The following WDR91 variants were observed in gnomAD, a reference collection of about 807,000 sequenced individuals.
WDR91 encodes the protein WD repeat-containing protein 91.
Under a neutral mutation model 88.4 loss-of-function variants are expected in WDR91, and 52 were observed. The observed-to-expected ratio is 0.59, with a 90% CI of 0.47 to 0.74. The LOEUF (loss-of-function observed/expected upper bound fraction) is 0.74. Ranked by LOEUF, WDR91 falls within the 30% of genes least tolerant of loss-of-function variation. The pLI, the probability that WDR91 is intolerant of heterozygous loss-of-function variation, is 0.00. For missense variants in WDR91, 824 were observed against 954.5 expected, an observed-to-expected ratio of 0.86 and a Z score of 1.80; for synonymous variants, 362 against 389.5, an observed-to-expected ratio of 0.93 and a Z score of 0.83.
In WDR91 at chr7:135,186,708, G is replaced by A. The variant is rs190909423; in HGVS notation, c.2079+264C>T. Among the ~76,000 whole-genome samples, 4 of 152,334 alleles carry A rather than the reference G, an allele frequency of 2.6e-5. No individual in the cohort carries two copies. The East Asian group carries it at 7.7e-4, about 29-fold the overall frequency. Reference sequence around the variant, plus strand: ...GGGAATGCAAGCTGCAGGAGAGCAGGGCCTCGGGCAGCTCTCTCCTGCCGG... The same window carrying A: ...GGGAATGCAAGCTGCAGGAGAGCAGAGCCTCGGGCAGCTCTCTCCTGCCGG... On this transcript the variant is annotated intron_variant, in intron 14 of 14. Coordinates refer to ENST00000354475, the MANE Select transcript of WDR91 (RefSeq NM_014149.4).
intron 7 of WDR91, 63 bp downstream of exon 7, chr7:135,197,930 C>A: frequency 6.4e-7 from 1 of 1,564,014 alleles, no homozygotes. Context: ...AAGAGAAGAC[C>A]CCCCACAGTG....
chr7:135,208,235 A>C (rs1449957102), intron 3 of WDR91, among the ~76,000 whole-genome samples: 1 of 152,186 alleles, frequency 6.6e-6, no homozygotes, highest in Non-Finnish European at 1.5e-5. Flanking sequence ...GGTAGGCTGT[A>C]AATTATTTAC....
At chr7:135,189,225 C>A in intron 12 of WDR91, 119 bp downstream of exon 12, 1 of 763,062 alleles carries the variant, frequency 1.3e-6, no homozygotes, top group Non-Finnish European at 2.2e-6. Flanking sequence ...GTACATGCAT[C>A]TGAAGTCAGG....
At chr7:135,189,210 C>T in intron 12 of WDR91, 134 bp downstream of exon 12, 1 of 667,638 alleles carries the variant, frequency 1.5e-6, no homozygotes, top group East Asian at 2.7e-5. Flanking sequence ...CAAAGTTAAG[C>T]TGTAGTACAT....
rs985813278 is a variant in WDR91, at chr7:135,193,385, G to A, written c.1505C>T (p.Ala502Val). The change falls in exon 11 of 15, where the codon GCG becomes GTG. Residue 502 changes from alanine to valine, a missense_variant. Coordinates refer to ENST00000354475, the MANE Select transcript of WDR91 (RefSeq NM_014149.4). ...NDNMPRILSL[A>V]CSPNGASFVC... Reference sequence around the variant, plus strand: ...GAAAGAGGCCCCGTTGGGGCTGCACGCAAGAGACAGGATTCTGCAACACAC... The same window carrying A: ...GAAAGAGGCCCCGTTGGGGCTGCACACAAGAGACAGGATTCTGCAACACAC... 6 of 1,613,996 alleles carry A rather than the reference G, an allele frequency of 3.7e-6. No individual in the cohort carries two copies. The highest frequency in any genetic ancestry group is 1.7e-5 in the Admixed American group (1 of 60,004).
intron 4 of WDR91, chr7:135,206,871 T>C: frequency 4.2e-6 from 1 of 238,140 alleles, no homozygotes. Flanking sequence ...TTTTTCTCCT[T>C]AAAAGTTAAT....
intron 5 of WDR91, among the ~76,000 whole-genome samples, chr7:135,204,769 G>A (rs1175631612): frequency 1.3e-5 from 2 of 152,094 alleles, no homozygotes; most frequent in Admixed American, 1.3e-4. Context: ...AATTGACACT[G>A]GAATTCAAAG....
chr7:135,209,868 A>C, intron 1 of WDR91, 113 bp from the exon 2 acceptor site: 1 of 934,636 alleles, frequency 1.1e-6, no homozygotes, highest in South Asian at 2.4e-5. Context: ...AAAAATTTGT[A>C]AGTTAGCAAT....
Position 135,186,297 on chromosome 7 carries a change from C to G in WDR91, c.2098G>C (p.Val700Leu), listed in dbSNP as rs745765399. 8 of 1,612,574 alleles carry G rather than the reference C, an allele frequency of 5.0e-6. No homozygotes were observed. The South Asian group carries it at 8.8e-5, about 18-fold the overall frequency. ...CCTAGGCTCAAGCAGCTCTCCAGAA[C>G]CTTCTCATCGCCACCCAGCTGCAAG... ...VIYKLGGDEK[V>L]LESCLSLGGH... The change falls in exon 15 of 15, where the codon GTT becomes CTT. Residue 700 changes from valine (V) to leucine (L), a missense_variant. Coordinates refer to ENST00000354475, the MANE Select transcript of WDR91 (RefSeq NM_014149.4).
Position 135,209,703 on chromosome 7 carries a change from G to A in WDR91, c.176C>T (p.Ala59Val). The change falls in exon 2 of 15, where the codon GCT (alanine) becomes GTT (valine). Residue 59 changes from alanine (A) to valine (V), a missense_variant. Ala to Val is a moderately conservative substitution (Grantham distance 64). Coordinates refer to ENST00000354475, the MANE Select transcript of WDR91 (RefSeq NM_014149.4). The stretch of plus-strand genomic sequence containing the variant: ...GTAGCTCCAATAATCCCGAAGGGCA[G>A]CCAAGTCATACACCTGCATTAACTG... The part of the protein sequence containing the change: ...LQQLMQVYDL[A>V]ALRDYWSYLE... 1 of 1,613,348 alleles carries A rather than the reference G, an allele frequency of 6.2e-7. No individual in the cohort carries two copies. Among genetic ancestry groups the A allele is most frequent in the Non-Finnish European group, 8.5e-7 (1 of 1,179,654 alleles).
At chr7:135,191,060 T>A (rs1408596948) in intron 11 of WDR91, among the ~76,000 whole-genome samples, 1 of 152,144 alleles carries the variant, frequency 6.6e-6, no homozygotes, top group East Asian at 1.9e-4. Context: ...GGTAAGATTT[T>A]AAAAGCAGCC....
chr7:135,210,972 C>G, intron 1 of WDR91: 1 of 700,578 alleles, frequency 1.4e-6, no homozygotes, highest in South Asian at 1.5e-5. Context: ...GATACTTGAA[C>G]GCAGCTAACG....
At chr7:135,191,033 C>A (rs1325488105) in intron 11 of WDR91, among the ~76,000 whole-genome samples, 1 of 152,122 alleles carries the variant, frequency 6.6e-6, no homozygotes, top group African/African-American at 2.4e-5. Context: ...ACCAGAAAAT[C>A]CACATCCAGA....
rs749742110 is a variant in WDR91, at chr7:135,208,774, G to C, written c.511+17C>G. Reference sequence around the variant, plus strand: ...GCCTCAGGCTGGGCCTTCAGCCCCAGGCAACTGAAAGGATATGCATGCACT... The same window carrying C: ...GCCTCAGGCTGGGCCTTCAGCCCCACGCAACTGAAAGGATATGCATGCACT... On this transcript the variant is annotated intron_variant, in intron 3 of 14. Transcript: ENST00000354475. The C allele has an allele frequency of 7.0e-6, 11 of 1,565,324 alleles. No homozygotes were observed. Among genetic ancestry groups the C allele is most frequent in the Non-Finnish European group, 8.7e-6 (10 of 1,150,566 alleles).
chr7:135,205,893 G>A, intron 5 of WDR91, 35 bp downstream of exon 5: 2 of 1,611,898 alleles, frequency 1.2e-6, no homozygotes. Flanking sequence ...AGCACAGAGG[G>A]CAAAGAAAAG....
intron 13 of WDR91, 103 bp from the exon 14 acceptor site, chr7:135,187,272 A>C (rs1005984427): frequency 1.9e-5 from 23 of 1,188,436 alleles, no homozygotes; most frequent in East Asian, 1.0e-4. Flanking sequence ...GGCGAGGGCG[A>C]CCCGCCTCCC....
chr7:135,192,506 G>A (rs1831207550), intron 11 of WDR91, among the ~76,000 whole-genome samples: 1 of 152,214 alleles, frequency 6.6e-6, no homozygotes, highest in Non-Finnish European at 1.5e-5. Context: ...TGGAGGTCAA[G>A]AATTCGAGTG....
At chr7:135,188,398 C>A (rs763620989) in intron 13 of WDR91, 35 bp downstream of exon 13, 1 of 1,584,520 alleles carries the variant, frequency 6.3e-7, no homozygotes, top group East Asian at 2.2e-5. Flanking sequence ...CATGTCATCC[C>A]GGTGCTCTCT....
Position 135,196,298 on chromosome 7 carries a change from C to T in WDR91, c.1090G>A (p.Glu364Lys). ...KKPEASGPEA[E>K]PCPELHTEPV... is the part of the protein sequence containing the mutation. ...TCCGTGTGGAGCTCTGGGCAGGGCT[C>T]AGCCTCTGGGCCACTGGCTTCTGGT... Residue 364 changes from glutamate (E) to lysine (K), a missense_variant, in exon 8 of 15, where the codon GAG (glutamate) becomes AAG (lysine). Glu to Lys is a moderately conservative substitution (Grantham distance 56, BLOSUM62 1). Transcript: ENST00000354475. This position sits in a 1 kb window ranked among gnomAD's most constrained non-coding sequence, Gnocchi z 4.2. 1 of 1,597,302 alleles carries T rather than the reference C, an allele frequency of 6.3e-7. No homozygotes were observed.
Sources: allele counts gnomAD v4.1 joint callset (sites outside exome capture counted in the v4.1 genomes callset), GRCh38; gene constraint gnomAD v4.1.1; non-coding constraint Gnocchi (gnomAD v3.1); transcripts MANE v1.5; gene names NCBI Gene and HGNC (gene_info 2026-07-23, HGNC 2026-07-21).